Variants in SYT14 observed in about 807,000 individuals in gnomAD.
The protein encoded by SYT14 is synaptotagmin 14.
In SYT14, 32 loss-of-function variants were observed where a neutral mutation model predicts 74.2. That is an observed-to-expected ratio of 0.43 (90% CI 0.33 to 0.58). SYT14 has a LOEUF of 0.58. SYT14 is among the 20% of genes least tolerant of loss of function. SYT14 has a pLI of 0.05. For missense variants in SYT14, 791 were observed against 981.8 expected, an observed-to-expected ratio of 0.81 and a Z score of 2.60; for synonymous variants, 298 against 337.7, an observed-to-expected ratio of 0.88 and a Z score of 1.29.
intron 7 of SYT14, among the ~76,000 whole-genome samples, chr1:210,141,792 C>T (rs1457970417): frequency 6.6e-6 from 1 of 152,208 alleles, no homozygotes; most frequent in Non-Finnish European, 1.5e-5. Context: ...TCTGCATGCA[C>T]AGAGCAGCAA....
intron 7 of SYT14, among the ~76,000 whole-genome samples, chr1:210,148,693 C>T (rs1322315310): frequency 6.6e-6 from 1 of 152,066 alleles, no homozygotes; most frequent in Middle Eastern, 3.4e-3. Context: ...GAAATTCAGC[C>T]AGTAGCCAGA....
chr1:209,985,982 C>A (rs766881115), intron 2 of SYT14, among the ~76,000 whole-genome samples: 3 of 152,188 alleles, frequency 2.0e-5, no homozygotes, highest in Non-Finnish European at 2.9e-5. Context: ...CCATTCAGTT[C>A]TCCTAGGCTT....
rs189880106 is a variant in SYT14, at chr1:209,992,295, C to T, written c.-485-21338C>T. ...AAGTAGCTAGGACTACAGATGCACA[C>T]CACCACACCTGGCTAAAAAATGTGG... is the stretch of plus-strand genomic sequence containing the variant. On this transcript the variant is annotated intron_variant, in intron 2 of 9. Transcript: ENST00000637265. Among the ~76,000 whole-genome samples the T allele has an allele frequency of 4.1e-4, 62 of 152,172 alleles. No homozygotes were observed. The East Asian group carries it at 0.01, about 26-fold the overall frequency.
At position 210,122,230 on chromosome 1, in the gene SYT14, G is replaced by A. The variant is rs539111929; in HGVS notation, c.2034+21769G>A. On this transcript the variant is annotated intron_variant, in intron 7 of 9. Coordinates refer to ENST00000637265, the Ensembl canonical transcript of SYT14. ...CCTGACCTCGTGATCCGCCCGCCTC[G>A]GCCTCCCAAAGTGCTGGGATTACAG... is the stretch of plus-strand genomic sequence containing the variant. 1.4e-3 allele frequency among the ~76,000 whole-genome samples: 27 copies of A among 18,896 alleles called. 11 individuals carry two copies. In the East Asian group the frequency reaches 0.16, roughly 111 times the overall value. The allele number at this position is 18,896 out of a possible 152,430, so 12.4% of individuals were successfully genotyped here.
chr1:210,150,910 T>G (rs1321931606), intron 7 of SYT14, among the ~76,000 whole-genome samples: 1 of 152,240 alleles, frequency 6.6e-6, no homozygotes, highest in African/African-American at 2.4e-5. Flanking sequence ...TCTCTATGTA[T>G]GTACAAGCTT....
intron 2 of SYT14, among the ~76,000 whole-genome samples, chr1:209,989,588 TA>T (rs2079629727): frequency 6.6e-6 from 1 of 152,162 alleles, no homozygotes; most frequent in Non-Finnish European, 1.5e-5. Flanking sequence ...AATGGTGATA[TA>T]AATGTAGTTG....
At chr1:210,141,160 A>G (rs752373319) in intron 7 of SYT14, among the ~76,000 whole-genome samples, 9 of 151,640 alleles carry the variant, frequency 5.9e-5, no homozygotes, top group Non-Finnish European at 1.0e-4. Flanking sequence ...CTTCCAGTCC[A>G]TTAGCATGAG....
intron 2 of SYT14, among the ~76,000 whole-genome samples, chr1:209,985,809 C>G (rs543718301): frequency 6.6e-6 from 1 of 152,232 alleles, no homozygotes; most frequent in Non-Finnish European, 1.5e-5. Flanking sequence ...AGGCTTAACA[C>G]TACATGGAAG....
At chr1:210,014,037 G>A (rs112226794) in intron 3 of SYT14, among the ~76,000 whole-genome samples, 1 of 152,122 alleles carries the variant, frequency 6.6e-6, no homozygotes, top group Non-Finnish European at 1.5e-5. Context: ...TTTTTCGTAT[G>A]TAAGATATGC....
chr1:210,094,100 T>C (rs1164778867), intron 5 of SYT14, among the ~76,000 whole-genome samples: 10 of 152,308 alleles, frequency 6.6e-5, no homozygotes, highest in Non-Finnish European at 1.3e-4. Context: ...TATATGACTT[T>C]TATTTTTCCT....
rs151110321 is a variant in SYT14 at position 210,078,999 on chromosome 1, C to T, written c.1313-15323C>T. 2.1e-3 allele frequency among the ~76,000 whole-genome samples: 315 copies of T among 152,126 alleles called. 2 individuals are homozygous for T. Among genetic ancestry groups the T allele is most frequent in the African/African-American group, 6.9e-3 (286 of 41,498 alleles). On this transcript the variant is annotated intron_variant, in intron 5 of 9. Coordinates refer to ENST00000637265, the Ensembl canonical transcript of SYT14. The stretch of plus-strand genomic sequence containing the variant: ...TGGACACATGAGCTCAAGCGATCAG[C>T]CCGTCCTGGCCTCTAAGTGCTGGGA...
intron 6 of SYT14, among the ~76,000 whole-genome samples, chr1:210,098,138 G>A (rs963004875): frequency 4.0e-5 from 6 of 151,166 alleles, no homozygotes; most frequent in Non-Finnish European, 4.4e-5. Context: ...TTGTGCCATT[G>A]CATTCCAGCC....
chr1:210,039,125 C>T (rs183787855), intron 5 of SYT14, among the ~76,000 whole-genome samples: 2 of 152,026 alleles, frequency 1.3e-5, no homozygotes, highest in Admixed American at 6.6e-5. Context: ...TTATTTTTGT[C>T]TGACTGGATT....
At chr1:210,133,610 T>C (rs2082721452) in intron 7 of SYT14, among the ~76,000 whole-genome samples, 1 of 152,162 alleles carries the variant, frequency 6.6e-6, no homozygotes, top group South Asian at 2.1e-4. Flanking sequence ...CATATTTTAT[T>C]AATATATTCA....
exon 10 of SYT14, chr1:210,169,968 CT>C (rs2083506177): frequency 6.6e-6 from 1 of 150,860 alleles, no homozygotes; most frequent in Non-Finnish European, 1.5e-5. Context: ...TCCCTCCCTC[CT>C]TCCTTCCTAG....
At chr1:210,039,046 C>T (rs933312631) in intron 5 of SYT14, among the ~76,000 whole-genome samples, 1 of 152,046 alleles carries the variant, frequency 6.6e-6, no homozygotes, top group Non-Finnish European at 1.5e-5. Context: ...ACCTATGACT[C>T]CTAGGTTCTG....
At chr1:210,055,253 A>G (rs1359193641) in intron 5 of SYT14, among the ~76,000 whole-genome samples, 3 of 152,230 alleles carry the variant, frequency 2.0e-5, no homozygotes, top group Non-Finnish European at 2.9e-5. Flanking sequence ...GTCTAAAAAT[A>G]CTTGCCCTAA....
At chr1:209,945,953 G>A (rs2078816437) in intron 1 of SYT14, among the ~76,000 whole-genome samples, 1 of 152,032 alleles carries the variant, frequency 6.6e-6, no homozygotes, top group Admixed American at 6.6e-5. Context: ...GTGTCTCTGT[G>A]TCACGTTTTG....
At chr1:210,170,230 TATC>T (rs1343878692) in exon 10 of SYT14, 2 of 152,200 alleles carry the variant, frequency 1.3e-5, no homozygotes, top group African/African-American at 2.4e-5. Flanking sequence ...TCTGTGTGGT[TATC>T]AACAGTGTTG....
Sources: gnomAD v4.1 joint callset for allele counts (sites outside exome capture counted in the v4.1 genomes callset) on GRCh38, gnomAD v4.1.1 for gene constraint, MANE v1.5 for transcripts, NCBI Gene and HGNC (gene_info 2026-07-23, HGNC 2026-07-21) for gene names.